IQCJ: variants seen among roughly 807,000 people sequenced by gnomAD.
The protein encoded by IQCJ is IQ motif containing J.
A neutral mutation model predicts 11.0 loss-of-function variants in IQCJ; 9 were observed. The ratio of observed to expected loss-of-function variants is 0.82; its 90% CI spans 0.49 to 1.43. IQCJ has a LOEUF of 1.43. IQCJ is among the 40% of genes most tolerant of loss of function. The pLI is 0.00. For missense variants in IQCJ, 146 were observed against 133.2 expected (o/e 1.10, Z -0.47); for synonymous variants, 55 against 51.3 (o/e 1.07, Z -0.31).
chr3:159,231,828 G>A (rs58552621), intron 1 of IQCJ, among the ~76,000 whole-genome samples: 7 of 152,140 alleles, frequency 4.6e-5, no homozygotes, highest in African/African-American at 1.2e-4. Context: ...GGTCTATTCA[G>A]GGATGTGACT....
At chr3:159,144,730 A>T (rs1200164956) in intron 1 of IQCJ, among the ~76,000 whole-genome samples, 4 of 152,022 alleles carry the variant, frequency 2.6e-5, no homozygotes, top group Admixed American at 6.6e-5. Context: ...TAACATAGAG[A>T]GTTGTAAGAT....
intron 1 of IQCJ, among the ~76,000 whole-genome samples, chr3:159,168,635 T>G (rs75884392): frequency 0.039 from 5,932 of 152,112 alleles, 376 homozygotes; most frequent in African/African-American, 0.14. Context: ...ATTTCATCCA[T>G]GAGATTAGTA....
At chr3:159,069,843 T>TTTTG (rs1715431082) in intron 1 of IQCJ, 1 of 296,752 alleles carries the variant, frequency 3.4e-6, no homozygotes, top group African/African-American at 2.4e-5. Context: ...CCCTCCTTTC[T>TTTTG]TGTGTGTGTG....
At chr3:159,156,748 A>C (rs1207442967) in intron 1 of IQCJ, among the ~76,000 whole-genome samples, 1 of 152,176 alleles carries the variant, frequency 6.6e-6, no homozygotes, top group African/African-American at 2.4e-5. Flanking sequence ...CCTTAAGTTC[A>C]TGCATAAAAT....
rs1715596614 is a variant in IQCJ, at chr3:159,072,018, A to G, written c.9+2577A>G. Among the ~76,000 whole-genome samples the G allele has an allele frequency of 2.6e-5, 4 of 152,096 alleles. No individual in the cohort carries two copies. In the South Asian group the frequency reaches 8.3e-4, roughly 32 times the overall value. On this transcript the variant is annotated intron_variant, in intron 1 of 3. Transcript: ENST00000397832. Reference sequence around the variant, plus strand: ...GAAAATATTCATCCTTTAAGTAAGCATTTATTAAGCATCACATTGCCAAGC... The same window carrying G: ...GAAAATATTCATCCTTTAAGTAAGCGTTTATTAAGCATCACATTGCCAAGC...
Position 159,114,847 on chromosome 3 carries a change from C to T in IQCJ, c.9+45406C>T, listed in dbSNP as rs1387754521. Among the ~76,000 whole-genome samples, 10 of 152,292 alleles carry T rather than the reference C, an allele frequency of 6.6e-5. No individual in the cohort carries two copies. The East Asian group carries it at 7.7e-4, about 12-fold the overall frequency. ...CTCTTCTATTTCTCTTGATCTGCTCCGGAAGCTCAAATAAAGCTGAAGACA... is the reference window on the plus strand; with the variant it reads ...CTCTTCTATTTCTCTTGATCTGCTCTGGAAGCTCAAATAAAGCTGAAGACA... On this transcript the variant is annotated intron_variant, in intron 1 of 3. Coordinates refer to ENST00000397832, the MANE Select transcript of IQCJ (RefSeq NM_001042706.3).
chr3:159,091,089 A>G (rs1030055243), intron 1 of IQCJ, among the ~76,000 whole-genome samples: 3 of 151,346 alleles, frequency 2.0e-5, no homozygotes, highest in African/African-American at 7.4e-5. Context: ...AATTTTTCTT[A>G]GGGCCTTTTT....
chr3:159,155,001 C>A (rs1285733384), intron 1 of IQCJ, among the ~76,000 whole-genome samples: 1 of 152,086 alleles, frequency 6.6e-6, no homozygotes, highest in Non-Finnish European at 1.5e-5. Context: ...CCTTCGCCAT[C>A]CCCATTTCTA....
chr3:159,266,144 T>C (rs2108245440), downstream of IQCJ: 1 of 152,346 alleles, frequency 6.6e-6, no homozygotes, highest in East Asian at 1.9e-4. Flanking sequence ...ATTATCTCCA[T>C]TTTACAGGTG....
intron 1 of IQCJ, among the ~76,000 whole-genome samples, chr3:159,186,675 T>A (rs982794808): frequency 1.3e-5 from 2 of 152,220 alleles, no homozygotes; most frequent in Non-Finnish European, 2.9e-5. Context: ...GAAAGGTGAC[T>A]GTTATTGTTC....
intron 1 of IQCJ, among the ~76,000 whole-genome samples, chr3:159,226,886 G>GT (rs1725887223): frequency 6.6e-6 from 1 of 152,164 alleles, no homozygotes; most frequent in African/African-American, 2.4e-5. Context: ...CATGTTTTAT[G>GT]TAAGTGTTTT....
At chr3:159,160,894 G>C in intron 1 of IQCJ, among the ~76,000 whole-genome samples, 1 of 152,114 alleles carries the variant, frequency 6.6e-6, no homozygotes, top group Admixed American at 6.6e-5. Context: ...GTATTCCATG[G>C]TGTATATATG....
chr3:159,202,512 A>C (rs1324178258), intron 1 of IQCJ, among the ~76,000 whole-genome samples: 1 of 152,070 alleles, frequency 6.6e-6, no homozygotes, highest in Non-Finnish European at 1.5e-5. Flanking sequence ...TAGGTGCCCA[A>C]GTGGGTTCTC....
At chr3:159,087,870 C>T (rs1716913847) in intron 1 of IQCJ, among the ~76,000 whole-genome samples, 3 of 150,532 alleles carry the variant, frequency 2.0e-5, no homozygotes, top group African/African-American at 4.9e-5. Flanking sequence ...AAAAAACCAG[C>T]TCCTGGATTC....
chr3:159,177,941 G>C (rs976376377), intron 1 of IQCJ, among the ~76,000 whole-genome samples: 14 of 152,100 alleles, frequency 9.2e-5, no homozygotes, highest in Non-Finnish European at 5.9e-5. Flanking sequence ...CCTGTGTCAG[G>C]GATAGATAGT....
intron 2 of IQCJ, among the ~76,000 whole-genome samples, chr3:159,251,244 A>G (rs1727580849): frequency 6.6e-6 from 1 of 151,996 alleles, no homozygotes; most frequent in African/African-American, 2.4e-5. Context: ...ATTCTAAGGG[A>G]TCTCTCCAGC....
intron 1 of IQCJ, among the ~76,000 whole-genome samples, chr3:159,139,749 G>A (rs181891624): frequency 3.9e-5 from 6 of 152,262 alleles, no homozygotes; most frequent in East Asian, 3.9e-4. Flanking sequence ...TTGAAGCACC[G>A]GGCAAGGAGG....
At chr3:159,202,538 G>A (rs1724411655) in intron 1 of IQCJ, among the ~76,000 whole-genome samples, 1 of 152,156 alleles carries the variant, frequency 6.6e-6, no homozygotes, top group Admixed American at 6.5e-5. Context: ...AAGCAGATAA[G>A]GATATAGCGG....
At chr3:159,175,993 T>G (rs2108003607) in intron 1 of IQCJ, among the ~76,000 whole-genome samples, 1 of 152,342 alleles carries the variant, frequency 6.6e-6, no homozygotes, top group East Asian at 1.9e-4. Flanking sequence ...GTCTTCTTAA[T>G]TTTAGCAATT....
Sources: allele counts gnomAD v4.1 joint callset (sites outside exome capture counted in the v4.1 genomes callset), GRCh38; gene constraint gnomAD v4.1.1; transcripts MANE v1.5; gene names NCBI Gene and HGNC (gene_info 2026-07-23, HGNC 2026-07-21).